Variants in MAML3 observed in about 807,000 individuals in gnomAD.
The protein encoded by MAML3 is mastermind-like protein 3.
Under a neutral mutation model 101.9 loss-of-function variants are expected in MAML3, and 27 were observed. The observed-to-expected ratio is 0.27, with a 90% confidence interval of 0.20 to 0.37. The LOEUF (loss-of-function observed/expected upper bound fraction) is 0.37, where lower values mean the gene tolerates loss of function less well. Ranked by LOEUF, MAML3 falls within the 10% of genes least tolerant of loss-of-function variation. MAML3 has a pLI of 1.00. For synonymous variants in MAML3, 501 were observed against 555.9 expected (o/e 0.90, Z 1.39); for missense variants, 1,316 against 1,444.9 (o/e 0.91, Z 1.45).
At chr4:139,832,646 G>T (rs1731188865) in intron 2 of MAML3, among the ~76,000 whole-genome samples, 1 of 152,272 alleles carries the variant, frequency 6.6e-6, no homozygotes, top group South Asian at 2.1e-4. Flanking sequence ...CAGGAATTGT[G>T]CCTGGTGCCT....
intron 2 of MAML3, among the ~76,000 whole-genome samples, chr4:139,873,351 T>C (rs1732052068): frequency 6.6e-6 from 1 of 152,170 alleles, no homozygotes; most frequent in African/African-American, 2.4e-5. Flanking sequence ...GCCAGCTCAG[T>C]TCTTCCCATC....
intron 1 of MAML3, among the ~76,000 whole-genome samples, chr4:140,067,115 G>A (rs969227803): frequency 6.6e-6 from 1 of 152,030 alleles, no homozygotes; most frequent in Non-Finnish European, 1.5e-5. Context: ...CACTAGTCTG[G>A]AAGCAGGAAG....
intron 1 of MAML3, among the ~76,000 whole-genome samples, chr4:139,995,856 C>G (rs1000106224): frequency 7.3e-5 from 11 of 151,368 alleles, no homozygotes; most frequent in African/African-American, 2.7e-4. Context: ...TTGCTTTTTT[C>G]TAGTTGCATA....
chr4:139,929,953 A>C (rs1233170635), intron 1 of MAML3, among the ~76,000 whole-genome samples: 2 of 152,158 alleles, frequency 1.3e-5, no homozygotes, highest in Admixed American at 1.3e-4. Context: ...CTTGCCCCAG[A>C]GGGGAATGGG....
At chr4:139,985,640 T>C (rs1312158277) in intron 1 of MAML3, among the ~76,000 whole-genome samples, 1 of 152,190 alleles carries the variant, frequency 6.6e-6, no homozygotes, top group Non-Finnish European at 1.5e-5. Flanking sequence ...AGATTCCTTA[T>C]TTAGGGATTA....
chr4:140,044,618 C>T (rs1727150037), intron 1 of MAML3, among the ~76,000 whole-genome samples: 1 of 152,146 alleles, frequency 6.6e-6, no homozygotes, highest in South Asian at 2.1e-4. Flanking sequence ...GTGTCATGTC[C>T]CTGCTTAGTG....
At chr4:139,934,229 ATG>A (rs1481508552) in intron 1 of MAML3, among the ~76,000 whole-genome samples, 2 of 151,734 alleles carry the variant, frequency 1.3e-5, no homozygotes, top group African/African-American at 4.8e-5. Context: ...ATTTATGAAT[ATG>A]TGAATGTATA....
chr4:140,129,699 G>T (rs1427867924), intron 1 of MAML3, among the ~76,000 whole-genome samples: 1 of 152,152 alleles, frequency 6.6e-6, no homozygotes, highest in Non-Finnish European at 1.5e-5. Context: ...GGGCGCGGTG[G>T]CTCATGCCTG....
intron 2 of MAML3, among the ~76,000 whole-genome samples, chr4:139,832,529 A>G (rs972100334): frequency 2.0e-5 from 3 of 152,084 alleles, no homozygotes; most frequent in African/African-American, 4.8e-5. Flanking sequence ...GAAGCTATAA[A>G]AAGTGAAGCA....
rs538345645 is a variant in MAML3, at chr4:139,805,180, G to A, written c.2080-74513C>T. Among the ~76,000 whole-genome samples, 8 of 152,164 alleles carry A rather than the reference G, an allele frequency of 5.3e-5. No individual in the cohort carries two copies. In the South Asian group the frequency reaches 6.2e-4, roughly 12 times the overall value. On this transcript the variant is annotated intron_variant, in intron 2 of 4. Transcript: ENST00000509479. ...GCCTGGGCAACAAGAGCGAAAATCCGTCTCAAAACAACAACAACAACAAAA... is the reference window on the plus strand; with the variant it reads ...GCCTGGGCAACAAGAGCGAAAATCCATCTCAAAACAACAACAACAACAAAA...
chr4:140,046,069 T>A (rs1017054809), intron 1 of MAML3, among the ~76,000 whole-genome samples: 9 of 152,208 alleles, frequency 5.9e-5, no homozygotes, highest in African/African-American at 1.7e-4. Context: ...TGGGAGTTAT[T>A]TATGCTATGG....
intron 2 of MAML3, among the ~76,000 whole-genome samples, chr4:139,780,110 A>G (rs1185818905): frequency 1.3e-5 from 2 of 152,188 alleles, no homozygotes; most frequent in African/African-American, 4.8e-5. Flanking sequence ...AATTTAATAA[A>G]ATTAAAAATT....
At position 139,735,485 on chromosome 4, in the gene MAML3, C is replaced by T. The variant is rs969521007; in HGVS notation, c.2080-4818G>A. On this transcript the variant is annotated intron_variant, in intron 2 of 4. Transcript: ENST00000509479. The surrounding 1 kb of genome is among the most constrained non-coding windows in gnomAD (Gnocchi z 5.8). ...GGCGACCTCCGGGGGGGGAGGGTGG[C>T]GGACACCAGACCCCAGGGCCGACAG... Among the ~76,000 whole-genome samples, 1 of 151,124 alleles carries T rather than the reference C, an allele frequency of 6.6e-6. No homozygotes were observed. The highest frequency in any genetic ancestry group is 1.5e-5 in the Non-Finnish European group (1 of 67,754).
In MAML3 at chr4:139,802,646, A is replaced by G. The variant is rs556723001; in HGVS notation, c.2080-71979T>C. On this transcript the variant is annotated intron_variant, in intron 2 of 4. Coordinates refer to ENST00000509479, the MANE Select transcript of MAML3 (RefSeq NM_018717.5). ...AGCAGGCTTCCCTGAGTGCCCCTGC[A>G]GTGGCACAGCCTTCCTGGTGAGGCT... is the stretch of plus-strand genomic sequence containing the variant. Among the ~76,000 whole-genome samples the G allele has an allele frequency of 6.6e-4, 100 of 152,300 alleles. 1 individual carries two copies. Among genetic ancestry groups the G allele is most frequent in the African/African-American group, 2.2e-3 (92 of 41,572 alleles).
intron 1 of MAML3, among the ~76,000 whole-genome samples, chr4:140,071,787 G>GAGAGAGAGAGAGAGAGAGA (rs1265006286): frequency 6.6e-6 from 1 of 151,264 alleles, no homozygotes; most frequent in African/African-American, 2.4e-5. Context: ...GAGAGAGAGA[G>GAGAGAGAGAGAGAGAGAGA]AAGGCACGCA....
In MAML3 at chr4:139,735,856, G is replaced by A. The variant is rs528548795; in HGVS notation, c.2080-5189C>T. Among the ~76,000 whole-genome samples the A allele has an allele frequency of 6.6e-6, 1 of 152,138 alleles. No homozygotes were observed. The highest frequency in any genetic ancestry group is 1.5e-5 in the Non-Finnish European group (1 of 67,966). Reference sequence around the variant, plus strand: ...GAGGCGGTCCCGGGCGCGGGCAGGGGCGGTGCGGCGGCGCTCGGGAGACCC... The same window carrying A: ...GAGGCGGTCCCGGGCGCGGGCAGGGACGGTGCGGCGGCGCTCGGGAGACCC... On this transcript the variant is annotated intron_variant, in intron 2 of 4. Transcript: ENST00000509479. This position sits in a 1 kb window ranked among gnomAD's most constrained non-coding sequence, Gnocchi z 5.8.
chr4:139,902,166 G>A (rs1018194251), intron 1 of MAML3, among the ~76,000 whole-genome samples: 1 of 152,154 alleles, frequency 6.6e-6, no homozygotes, highest in African/African-American at 2.4e-5. Flanking sequence ...GCAGCTAAGA[G>A]CTACCCTCCT....
At chr4:140,016,692 C>A (rs1560867559) in intron 1 of MAML3, among the ~76,000 whole-genome samples, 1 of 152,162 alleles carries the variant, frequency 6.6e-6, no homozygotes, top group Admixed American at 6.5e-5. Context: ...GGAGGAAGGA[C>A]AGACTTTTCA....
chr4:140,136,196 A>G (rs895604361), intron 1 of MAML3, among the ~76,000 whole-genome samples: 3 of 152,204 alleles, frequency 2.0e-5, no homozygotes, highest in Admixed American at 1.3e-4. Context: ...TCATGTGTAG[A>G]GACCCTGCTG....
Sources: allele counts gnomAD v4.1 joint callset (sites outside exome capture counted in the v4.1 genomes callset), GRCh38; gene constraint gnomAD v4.1.1; non-coding constraint Gnocchi (gnomAD v3.1); transcripts MANE v1.5; gene names NCBI Gene and HGNC (gene_info 2026-07-23, HGNC 2026-07-21).